Variants in CEMIP observed in about 807,000 individuals in gnomAD.
CEMIP encodes the protein cell migration inducing hyaluronidase 1.
CEMIP carries 105 observed loss-of-function variants against 156.9 expected under a neutral mutation model. That is an observed-to-expected ratio of 0.67 (90% CI 0.57 to 0.79). The LOEUF is 0.79. Ranked by LOEUF, CEMIP falls within the 30% of genes least tolerant of loss-of-function variation. The probability of loss-of-function intolerance (pLI) is 0.00; values close to 1 mark genes in which losing one functional copy is unlikely to be tolerated. For missense variants in CEMIP, 1,457 were observed against 1,769.4 expected (o/e 0.82, Z 3.17); for synonymous variants, 676 against 668.4 (o/e 1.01, Z -0.17).
At chr15:80,798,067 T>G (rs1896277403) in intron 1 of CEMIP, among the ~76,000 whole-genome samples, 1 of 152,238 alleles carries the variant, frequency 6.6e-6, no homozygotes, top group Non-Finnish European at 1.5e-5. Flanking sequence ...ACATGGTGCA[T>G]GTGTATATAC....
intron 11 of CEMIP, 42 bp downstream of exon 11, chr15:80,895,164 C>T (rs181948893): frequency 1.9e-5 from 31 of 1,613,402 alleles, no homozygotes; most frequent in East Asian, 1.3e-4. Flanking sequence ...AACTATGGCT[C>T]GGTTCCTTGA....
chr15:80,790,006 A>G (rs1367674893), intron 1 of CEMIP, among the ~76,000 whole-genome samples: 1 of 152,198 alleles, frequency 6.6e-6, no homozygotes, highest in Non-Finnish European at 1.5e-5. Context: ...CTATTTGAAT[A>G]GAGCCCTGCT....
rs539667930 is a variant in CEMIP at position 80,949,312 on chromosome 15, A to T, written c.*388A>T. ...TAGGAGGTAGTCTGGAGGGCTGGTC[A>T]TTCACAGATCCCCATGGTCTTCAGC... is the stretch of plus-strand genomic sequence containing the variant. On this transcript the variant is annotated 3_prime_UTR_variant, in exon 30 of 30. Transcript: ENST00000394685. The T allele has an allele frequency of 3.1e-4, 111 of 352,420 alleles. 4 individuals carry two copies. The highest frequency in any genetic ancestry group is 2.5e-3 in the South Asian group (109 of 43,044). The allele number at this position is 352,420 out of a possible 1,614,324, so 21.8% of individuals were successfully genotyped here.
chr15:80,815,498 AG>A (rs1896770266), intron 1 of CEMIP, among the ~76,000 whole-genome samples: 1 of 152,234 alleles, frequency 6.6e-6, no homozygotes, highest in Non-Finnish European at 1.5e-5. Context: ...GGTATATAGT[AG>A]ATATTCAATG....
At position 80,889,472 on chromosome 15, in the gene CEMIP, C is replaced by T. The variant is rs372203952; in HGVS notation, c.966C>T (p.Asp322=). ...NVSLSSEWVQ[D]VEWTEWFDHD... ...CTGTGCTGTTTGCTTTCTGCCTAGA[C>T]GTGGAGTGGACGGAGTGGTTCGATC... Residue 322 remains aspartate (D), a splice_region_variant and synonymous_variant, in exon 10 of 30, where the codon GAC becomes GAT. Transcript: ENST00000394685. 1.3e-5 allele frequency: 21 copies of T among 1,613,812 alleles called. No individual in the cohort carries two copies. The highest frequency in any genetic ancestry group is 6.7e-5 in the African/African-American group (5 of 74,878).
intron 1 of CEMIP, among the ~76,000 whole-genome samples, chr15:80,809,106 T>C (rs1442576226): frequency 6.6e-6 from 1 of 152,214 alleles, no homozygotes; most frequent in Non-Finnish European, 1.5e-5. Flanking sequence ...TATTGAAAGA[T>C]TTAAAAATGG....
intron 1 of CEMIP, among the ~76,000 whole-genome samples, chr15:80,811,788 C>T (rs1896677567): frequency 6.6e-6 from 1 of 152,158 alleles, no homozygotes; most frequent in African/African-American, 2.4e-5. Flanking sequence ...AACTCGTGAG[C>T]TCAAGAAATC....
intron 1 of CEMIP, among the ~76,000 whole-genome samples, chr15:80,808,687 GT>G (rs1456162437): frequency 4.0e-5 from 6 of 151,890 alleles, no homozygotes; most frequent in Admixed American, 2.6e-4. Flanking sequence ...AATAGAAGTA[GT>G]TTGGGTAGCA....
At chr15:80,800,892 A>G (rs1315558852) in intron 1 of CEMIP, among the ~76,000 whole-genome samples, 1 of 152,228 alleles carries the variant, frequency 6.6e-6, no homozygotes, top group East Asian at 1.9e-4. Flanking sequence ...CTCTGGGGAT[A>G]CAGCTCAGCC....
Position 80,920,174 on chromosome 15 carries a change from C to T in CEMIP, c.1878C>T (p.Asp626=), listed in dbSNP as rs200060478. 3.7e-5 allele frequency: 59 copies of T among 1,614,230 alleles called. No homozygotes were observed. In the East Asian group the frequency reaches 1.1e-3, roughly 29 times the overall value. The change falls in exon 15 of 30, where the codon GAC becomes GAT. Residue 626 remains aspartate, a synonymous_variant. Coordinates refer to ENST00000394685, the MANE Select transcript of CEMIP (RefSeq NM_001293298.2). The part of the protein sequence containing the change: ...EDGPEERNTF[D]HCLGLLVKSG... ...GGCCGGAGGAACGCAACACTTTTGA[C>T]CACTGTCTTGGCCTCCTTGTCAAGT...
intron 6 of CEMIP, among the ~76,000 whole-genome samples, chr15:80,881,974 C>T (rs549994766): frequency 6.6e-6 from 1 of 152,298 alleles, no homozygotes; most frequent in Admixed American, 6.5e-5. Flanking sequence ...ACCTGCCCTG[C>T]AGTCCCAGGA....
chr15:80,886,265 C>T (rs550395016), intron 7 of CEMIP, among the ~76,000 whole-genome samples: 6 of 150,568 alleles, frequency 4.0e-5, no homozygotes, highest in East Asian at 3.9e-4. Flanking sequence ...GTGGGGATGG[C>T]GAGGCAGTGG....
intron 1 of CEMIP, among the ~76,000 whole-genome samples, chr15:80,783,367 G>C (rs745392548): frequency 2.6e-5 from 4 of 152,192 alleles, no homozygotes; most frequent in Non-Finnish European, 5.9e-5. Context: ...CTACATGATG[G>C]CACATACCCA....
At chr15:80,783,117 C>A (rs553880199) in intron 1 of CEMIP, among the ~76,000 whole-genome samples, 1 of 152,336 alleles carries the variant, frequency 6.6e-6, no homozygotes, top group South Asian at 2.1e-4. Flanking sequence ...GGGGTGAATT[C>A]AATTATTCTC....
At chr15:80,783,838 T>C (rs892784524) in intron 1 of CEMIP, among the ~76,000 whole-genome samples, 2 of 152,232 alleles carry the variant, frequency 1.3e-5, no homozygotes, top group African/African-American at 2.4e-5. Context: ...TGCAGAGAAA[T>C]GTCATCAAAT....
intron 6 of CEMIP, among the ~76,000 whole-genome samples, chr15:80,883,918 G>A (rs1253567247): frequency 6.6e-6 from 1 of 152,220 alleles, no homozygotes; most frequent in Non-Finnish European, 1.5e-5. Flanking sequence ...CTTCACTGCT[G>A]CAATCATTTC....
At chr15:80,939,202 G>A (rs1403305922) in intron 25 of CEMIP, among the ~76,000 whole-genome samples, 2 of 152,178 alleles carry the variant, frequency 1.3e-5, no homozygotes, top group Non-Finnish European at 2.9e-5. Context: ...GGGAGCACTG[G>A]GCAATTACAG....
chr15:80,918,333 C>A (rs139596665), intron 14 of CEMIP, among the ~76,000 whole-genome samples: 52 of 152,200 alleles, frequency 3.4e-4, no homozygotes, highest in African/African-American at 1.1e-3. Context: ...ACATCAGGGC[C>A]TCTCAATCAG....
intron 23 of CEMIP, among the ~76,000 whole-genome samples, chr15:80,934,033 A>G (rs1901025245): frequency 6.6e-6 from 1 of 152,180 alleles, no homozygotes. Context: ...TTTTTTTTCT[A>G]AGTCTTCAAA....
Sources: gnomAD v4.1 joint callset for allele counts (sites outside exome capture counted in the v4.1 genomes callset) on GRCh38, gnomAD v4.1.1 for gene constraint, MANE v1.5 for transcripts, NCBI Gene and HGNC (gene_info 2026-07-23, HGNC 2026-07-21) for gene names.